Variants in CPSF6 observed in about 807,000 individuals in gnomAD.
CPSF6 encodes cleavage and polyadenylation specificity factor subunit 6.
CPSF6 carries 10 observed loss-of-function variants against 56.7 expected under a neutral mutation model. That is an observed-to-expected ratio of 0.18 (90% CI 0.11 to 0.30). The LOEUF is 0.30. Among genes scored for constraint, CPSF6 ranks in the 10% least tolerant of loss-of-function variants. The pLI, the probability that CPSF6 is intolerant of heterozygous loss-of-function variation, is 1.00. For synonymous variants in CPSF6, 248 were observed against 244.8 expected (o/e 1.01, Z -0.12); for missense variants, 419 against 722.9 (o/e 0.58, Z 4.82).
rs776331086 is a variant in CPSF6 at position 69,258,746 on chromosome 12, T to C, written c.851T>C (p.Phe284Ser). The C allele has an allele frequency of 6.2e-7, 1 of 1,613,974 alleles. No homozygotes were observed. The highest frequency in any genetic ancestry group is 8.5e-7 in the Non-Finnish European group (1 of 1,179,972). ...PPPVLFPGQP[F>S]GQPPLGPLPP... Reference sequence around the variant, plus strand: ...CCAGTTCTTTTTCCTGGACAACCTTTTGGGCAGCCTCCATTGGGTCCACTT... The same window carrying C: ...CCAGTTCTTTTTCCTGGACAACCTTCTGGGCAGCCTCCATTGGGTCCACTT... Residue 284 changes from phenylalanine to serine, a missense_variant, in exon 6 of 10, where the codon TTT (phenylalanine) becomes TCT (serine). Physicochemically the swap from Phe to Ser is radical, Grantham distance 155. Transcript: ENST00000435070. This position sits in a 1 kb window ranked among gnomAD's most constrained non-coding sequence, Gnocchi z 4.2.
chr12:69,265,439 T>C (rs1389868918), intron 9 of CPSF6, among the ~76,000 whole-genome samples: 1 of 152,182 alleles, frequency 6.6e-6, no homozygotes, highest in African/African-American at 2.4e-5. Context: ...AGCTTTTCTT[T>C]GTTTACTGAA....
chr12:69,246,607 A>G (rs1373255811), intron 1 of CPSF6, among the ~76,000 whole-genome samples: 1 of 152,204 alleles, frequency 6.6e-6, no homozygotes, highest in Non-Finnish European at 1.5e-5. Flanking sequence ...CCAGAAAATG[A>G]TATATTTTCT....
Position 69,258,625 on chromosome 12 carries a change from C to T in CPSF6, c.730C>T (p.Pro244Ser), listed in dbSNP as rs1592805093. 1 of 1,613,628 alleles carries T rather than the reference C, an allele frequency of 6.2e-7. No individual in the cohort carries two copies. Among genetic ancestry groups the T allele is most frequent in the East Asian group, 2.2e-5 (1 of 44,872 alleles). Residue 244 changes from proline (P) to serine (S), a missense_variant, in exon 6 of 10, where the codon CCA becomes TCA. By Grantham distance (74) the Pro-to-Ser change is moderately conservative (BLOSUM62 -1). This residue lies in a region of CPSF6 where 211 missense variants were observed against 296.0 expected (regional missense o/e 0.71). Coordinates refer to ENST00000435070, the MANE Select transcript of CPSF6 (RefSeq NM_007007.3). The surrounding 1 kb of genome is among the most constrained non-coding windows in gnomAD (Gnocchi z 4.2). ...TCCACCACGTCCACCCTTAGGTCCT[C>T]CAGGCCCACCTGGTCCACCAGGTCC... ...QTPPRPPLGPPGPPGPPGPPP... is the reference protein window; with the variant it reads ...QTPPRPPLGPSGPPGPPGPPP...
chr12:69,245,807 C>T (rs1320427514), intron 1 of CPSF6, among the ~76,000 whole-genome samples: 1 of 152,138 alleles, frequency 6.6e-6, no homozygotes, highest in African/African-American at 2.4e-5. Flanking sequence ...AAGTGTAGGC[C>T]AGGTGCGGTG....
intron 1 of CPSF6, among the ~76,000 whole-genome samples, chr12:69,242,444 G>A (rs79199301): frequency 0.028 from 4,238 of 152,286 alleles, 84 homozygotes; most frequent in Middle Eastern, 0.051. Flanking sequence ...AACAGTCTTA[G>A]CAGAAACTAA....
At position 69,259,438 on chromosome 12, in the gene CPSF6, A is replaced by T. The variant is rs201159720; in HGVS notation, c.1210A>T (p.Thr404Ser). The T allele has an allele frequency of 5.0e-6, 8 of 1,612,010 alleles. No individual in the cohort carries two copies. In the East Asian group the frequency reaches 1.8e-4, roughly 36 times the overall value. ...DYGPPGREMD[T>S]ARTPLSEAEF... ...GTTTTTGTTTTACAGGGAAATGGAT[A>T]CTGCAAGAACGCCATTGAGTGAAGC... is the stretch of plus-strand genomic sequence containing the variant. Residue 404 changes from threonine (T) to serine (S), a missense_variant, in exon 7 of 10, where the codon ACT (threonine) becomes TCT (serine). Thr to Ser is a moderately conservative substitution (Grantham distance 58). Around this residue, in one of 4 missense-constraint regions of CPSF6, gnomAD observed 211 missense variants for 296.0 expected, o/e 0.71. Coordinates refer to ENST00000435070, the MANE Select transcript of CPSF6 (RefSeq NM_007007.3).
At chr12:69,255,069 A>G (rs1264239257) in intron 3 of CPSF6, 1 of 152,252 alleles carries the variant, frequency 6.6e-6, no homozygotes, top group East Asian at 1.9e-4. Context: ...CTCTCTTCCT[A>G]TCTGCTGGCA....
rs1026655411 is a variant in CPSF6 at position 69,256,772 on chromosome 12, T to C, written c.450T>C (p.His150=). Residue 150 remains histidine (H), a synonymous_variant, in exon 4 of 10, where the codon CAT becomes CAC. Coordinates refer to ENST00000435070, the MANE Select transcript of CPSF6 (RefSeq NM_007007.3). The part of the protein sequence containing the change: ...LMDLLPKREL[H]GQNPVVTPCN... Reference sequence around the variant, plus strand: ...ATCTGTTACCTAAAAGAGAACTTCATGGTCAGAATCCTGTTGTAACTCCAT... The same window carrying C: ...ATCTGTTACCTAAAAGAGAACTTCACGGTCAGAATCCTGTTGTAACTCCAT... 1.2e-6 allele frequency: 2 copies of C among 1,613,836 alleles called. No homozygotes were observed. Among genetic ancestry groups the C allele is most frequent in the Non-Finnish European group, 1.7e-6 (2 of 1,179,752 alleles).
chr12:69,256,936 T>C (rs1872536689), intron 4 of CPSF6, 94 bp downstream of exon 4: 1 of 1,050,130 alleles, frequency 9.5e-7, no homozygotes, highest in Admixed American at 2.4e-5. Context: ...TAATACTAGC[T>C]CACTAGGAAC....
chr12:69,259,321 C>G lies in CPSF6; in HGVS notation c.1200-107C>G, dbSNP rs1592805923. ...TTCAATATGGAAAAGTAACTACTATCTCTAAAGCACATGTCAGAAGCAGCT... is the reference window on the plus strand; with the variant it reads ...TTCAATATGGAAAAGTAACTACTATGTCTAAAGCACATGTCAGAAGCAGCT... On this transcript the variant is annotated intron_variant, in intron 6 of 9. Transcript: ENST00000435070. The G allele has an allele frequency of 8.6e-6, 12 of 1,397,550 alleles. No individual in the cohort carries two copies. In the South Asian group the frequency reaches 8.7e-5, roughly 10 times the overall value. 86.6% of individuals were successfully genotyped at this position (1,397,550 alleles called of 1,614,324 possible).
chr12:69,241,539 A>G (rs1477629232), intron 1 of CPSF6, among the ~76,000 whole-genome samples: 2 of 152,212 alleles, frequency 1.3e-5, no homozygotes, highest in Non-Finnish European at 2.9e-5. Flanking sequence ...AGCTTTTTTC[A>G]GTACCTCTTA....
intron 1 of CPSF6, among the ~76,000 whole-genome samples, chr12:69,249,166 G>A (rs892920569): frequency 1.3e-5 from 1 of 79,874 alleles, no homozygotes; most frequent in African/African-American, 4.7e-5. Context: ...GGGGGGGGGG[G>A]GGGCTGAGGC....
intron 9 of CPSF6, among the ~76,000 whole-genome samples, chr12:69,266,845 A>C (rs1403827444): frequency 6.6e-6 from 1 of 152,156 alleles, no homozygotes; most frequent in East Asian, 1.9e-4. Context: ...AGAGTAATAA[A>C]ATGCTTTACT....
At chr12:69,251,420 T>G in intron 2 of CPSF6, 82 bp downstream of exon 2, 1 of 964,488 alleles carries the variant, frequency 1.0e-6, no homozygotes, top group East Asian at 2.7e-5. Flanking sequence ...CTCCAGATTT[T>G]TATAAGTTTG....
chr12:69,264,098 A>T (rs1872866935), intron 9 of CPSF6, among the ~76,000 whole-genome samples: 1 of 152,078 alleles, frequency 6.6e-6, no homozygotes, highest in African/African-American at 2.4e-5. Context: ...CCTGAGTTAA[A>T]TACATCTGAT....
chr12:69,258,867 A>G lies in CPSF6; in HGVS notation c.972A>G (p.Pro324=), dbSNP rs1455506342. ...QGPPPPPGPF[P]PRPPGPLGPP... Reference sequence around the variant, plus strand: ...CACCTCCACCTCCAGGCCCCTTTCCACCTCGTCCACCCGGTCCACTTGGGC... The same window carrying G: ...CACCTCCACCTCCAGGCCCCTTTCCGCCTCGTCCACCCGGTCCACTTGGGC... Residue 324 remains proline (P), a synonymous_variant, in exon 6 of 10, where the codon CCA becomes CCG. Coordinates refer to ENST00000435070, the MANE Select transcript of CPSF6 (RefSeq NM_007007.3). This position sits in a 1 kb window ranked among gnomAD's most constrained non-coding sequence, Gnocchi z 4.2. 1 of 1,613,018 alleles carries G rather than the reference A, an allele frequency of 6.2e-7. No homozygotes were observed. Among genetic ancestry groups the G allele is most frequent in the East Asian group, 2.2e-5 (1 of 44,836 alleles).
At chr12:69,255,873 C>T (rs887249924) in intron 3 of CPSF6, among the ~76,000 whole-genome samples, 2 of 152,110 alleles carry the variant, frequency 1.3e-5, no homozygotes, top group Non-Finnish European at 2.9e-5. Flanking sequence ...TTGATTATAG[C>T]CACCCTAGTG....
chr12:69,243,785 G>A (rs1871746614), intron 1 of CPSF6, among the ~76,000 whole-genome samples: 1 of 152,134 alleles, frequency 6.6e-6, no homozygotes, highest in African/African-American at 2.4e-5. Flanking sequence ...GTACACTCAG[G>A]CTACACTAAA....
chr12:69,263,958 T>TA (rs1466455127), intron 9 of CPSF6, among the ~76,000 whole-genome samples: 3 of 152,088 alleles, frequency 2.0e-5, no homozygotes, highest in African/African-American at 7.2e-5. Context: ...ATTCTTTTAA[T>TA]ATGAGGCAAA....
Sources: gnomAD v4.1 joint callset for allele counts (sites outside exome capture counted in the v4.1 genomes callset) on GRCh38, gnomAD v4.1.1 for gene constraint, gnomAD v4.1.1 regional missense constraint, Gnocchi (gnomAD v3.1) non-coding constraint, MANE v1.5 for transcripts, NCBI Gene and HGNC (gene_info 2026-07-23, HGNC 2026-07-21) for gene names.